KIF1B: variants seen among roughly 807,000 people sequenced by gnomAD.
KIF1B encodes the protein kinesin family member 1B, also known as kinesin-like protein KIF1B.
Under a neutral mutation model 241.9 loss-of-function variants are expected in KIF1B, and 76 were observed. The observed-to-expected ratio is 0.31, with a 90% CI of 0.26 to 0.38. KIF1B has a LOEUF of 0.38. Among genes scored for constraint, KIF1B ranks in the 10% least tolerant of loss-of-function variants. The pLI, the probability that KIF1B is intolerant of heterozygous loss-of-function variation, is 1.00. For synonymous variants in KIF1B, 750 were observed against 796.7 expected (o/e 0.94, Z 0.99); for missense variants, 1,622 against 2,271.4 (o/e 0.71, Z 5.81).
intron 37 of KIF1B, among the ~76,000 whole-genome samples, chr1:10,349,165 G>T (rs892561928): frequency 6.6e-6 from 1 of 152,180 alleles, no homozygotes; most frequent in Non-Finnish European, 1.5e-5. Flanking sequence ...CTGGCTGGGT[G>T]TGGTGGCTCA....
At chr1:10,276,192 AAT>A in intron 11 of KIF1B, 127 bp from the exon 12 acceptor site, 1 of 756,640 alleles carries the variant, frequency 1.3e-6, no homozygotes, top group East Asian at 2.7e-5. Flanking sequence ...TCAAAAAAAA[AAT>A]AAAAGAAAGA....
Position 10,376,745 on chromosome 1 carries a change from A to G in KIF1B, c.*158A>G. On this transcript the variant is annotated 3_prime_UTR_variant, in exon 49 of 49. Coordinates refer to ENST00000676179, the MANE Select transcript of KIF1B (RefSeq NM_001365951.3). ...CACTTTTCTAGCTCTCCCGTTCCCCATCTCCATTGCTCTGTACTCTTTTCT... is the reference window on the plus strand; with the variant it reads ...CACTTTTCTAGCTCTCCCGTTCCCCGTCTCCATTGCTCTGTACTCTTTTCT... The G allele has an allele frequency of 4.1e-6, 3 of 737,672 alleles. No homozygotes were observed. The highest frequency in any genetic ancestry group is 7.3e-6 in the Non-Finnish European group (3 of 413,610). 45.7% of individuals were successfully genotyped at this position (737,672 alleles called of 1,614,324 possible). A position where few individuals can be genotyped will look rare whatever the true frequency, so the allele number is the denominator to read the frequency against.
intron 44 of KIF1B, among the ~76,000 whole-genome samples, chr1:10,368,992 C>T (rs572351059): frequency 6.6e-6 from 1 of 152,266 alleles, no homozygotes; most frequent in South Asian, 2.1e-4. Flanking sequence ...TCATTCCTGC[C>T]TTGGGGTCTT....
intron 37 of KIF1B, among the ~76,000 whole-genome samples, chr1:10,351,407 G>C (rs192075491): frequency 3.9e-5 from 6 of 152,200 alleles, no homozygotes; most frequent in Admixed American, 6.5e-5. Flanking sequence ...CACATGCCAG[G>C]TGCTTTTCTG....
intron 1 of KIF1B, among the ~76,000 whole-genome samples, chr1:10,227,482 A>G (rs529950729): frequency 9.2e-5 from 14 of 152,200 alleles, no homozygotes; most frequent in Non-Finnish European, 1.5e-4. Context: ...TCCTCCCTAT[A>G]TGTCTTCTAA....
rs1488473140 is a variant in KIF1B at position 10,261,908 on chromosome 1, T to G, written c.367T>G (p.Cys123Gly). 1 of 1,604,540 alleles carries G rather than the reference T, an allele frequency of 6.2e-7. No homozygotes were observed. The highest frequency in any genetic ancestry group is 1.7e-5 in the Admixed American group (1 of 59,994). ...ESQAGIIPQL[C>G]EELFEKINDN... The stretch of plus-strand genomic sequence containing the variant: ...CTCTCTCATTCTACTTCCCTAGTTA[T>G]GTGAAGAACTTTTTGAGAAAATCAA... Residue 123 changes from cysteine (C) to glycine (G), a missense_variant, in exon 5 of 49, where the codon TGT becomes GGT. Cys to Gly is a radical substitution (Grantham distance 159). Coordinates refer to ENST00000676179, the MANE Select transcript of KIF1B (RefSeq NM_001365951.3).
chr1:10,222,150 A>C (rs566083886), intron 1 of KIF1B, among the ~76,000 whole-genome samples: 27 of 152,354 alleles, frequency 1.8e-4, no homozygotes, highest in African/African-American at 6.5e-4. Flanking sequence ...AGCAAAGGAA[A>C]AAAAAGGTAT....
At chr1:10,343,484 G>A (rs867799033) in intron 34 of KIF1B, among the ~76,000 whole-genome samples, 197 bp downstream of exon 34, 3 of 152,102 alleles carry the variant, frequency 2.0e-5, no homozygotes, top group East Asian at 3.8e-4. Flanking sequence ...AAGGCTGGGC[G>A]CGGTGGCTCA....
At chr1:10,369,445 A>G (rs1040197924) in intron 44 of KIF1B, among the ~76,000 whole-genome samples, 1 of 152,148 alleles carries the variant, frequency 6.6e-6, no homozygotes, top group African/African-American at 2.4e-5. Flanking sequence ...CCTGGGCAAT[A>G]TAGCACAAAT....
chr1:10,251,924 G>A (rs1647472894), intron 2 of KIF1B, among the ~76,000 whole-genome samples: 1 of 152,092 alleles, frequency 6.6e-6, no homozygotes, highest in African/African-American at 2.4e-5. Context: ...CCGAAACCTA[G>A]AATCTGACTC....
At chr1:10,304,977 A>G (rs1428502902) in intron 22 of KIF1B, 16 of 1,144,932 alleles carry the variant, frequency 1.4e-5, no homozygotes, top group African/African-American at 1.6e-5. Context: ...TATAATGCCT[A>G]TAAATTAATC....
chr1:10,256,814 C>T (rs1647814312), intron 3 of KIF1B, among the ~76,000 whole-genome samples: 1 of 151,956 alleles, frequency 6.6e-6, no homozygotes, highest in South Asian at 2.1e-4. Context: ...GAGGTTCAAG[C>T]GATTCTCCCG....
chr1:10,262,251 G>A (rs1410903484), intron 5 of KIF1B, among the ~76,000 whole-genome samples: 1 of 152,132 alleles, frequency 6.6e-6, no homozygotes, highest in African/African-American at 2.4e-5. Flanking sequence ...CTGGGCCAAA[G>A]CGATCTTACC....
rs1553161281 is a variant in KIF1B at position 10,236,306 on chromosome 1, A to AACAACAACAAC, written c.106+3873_106+3874insCAACAACAACA. On this transcript the variant is annotated intron_variant, in intron 2 of 48. Transcript: ENST00000676179. Reference sequence around the variant, plus strand: ...ACAACAACAACAACAACAACAACAAAAACCCATATAGTATATTTGGGAAAA... The same window carrying AACAACAACAAC: ...ACAACAACAACAACAACAACAACAAAACAACAACAACAACCCATATAGTATATTTGGGAAAA... Among the ~76,000 whole-genome samples, 940 of 148,778 alleles carry AACAACAACAAC rather than the reference A, an allele frequency of 6.3e-3. 5 individuals carry two copies. The highest frequency in any genetic ancestry group is 0.014 in the Middle Eastern group (4 of 278).
chr1:10,347,792 G>C lies in KIF1B; in HGVS notation c.3829G>C (p.Gly1277Arg). 1 of 1,613,386 alleles carries C rather than the reference G, an allele frequency of 6.2e-7. No individual in the cohort carries two copies. The highest frequency in any genetic ancestry group is 1.1e-5 in the South Asian group (1 of 91,056). The change falls in exon 36 of 49, where the codon GGC (glycine) becomes CGC (arginine). Residue 1277 changes from glycine (G) to arginine (R), a missense_variant. Transcript: ENST00000676179. ...YIPAVVDHTAGLPCQGTFLLH... is the reference protein window; with the variant it reads ...YIPAVVDHTARLPCQGTFLLH... Reference sequence around the variant, plus strand: ...CCCAGCTGTGGTTGACCACACAGCAGGCTTGCCTTGCCAGGGGACATTTTT... The same window carrying C: ...CCCAGCTGTGGTTGACCACACAGCACGCTTGCCTTGCCAGGGGACATTTTT...
intron 28 of KIF1B, 58 bp from the exon 29 acceptor site, chr1:10,336,599 C>G (rs1557722106): frequency 7.4e-7 from 1 of 1,346,668 alleles, no homozygotes; most frequent in Non-Finnish European, 1.1e-6. Context: ...AGAGCTTTTT[C>G]CCTCCCTCCC....
At chr1:10,338,403 C>T (rs564577211) in intron 31 of KIF1B, among the ~76,000 whole-genome samples, 1 of 152,192 alleles carries the variant, frequency 6.6e-6, no homozygotes, top group African/African-American at 2.4e-5. Context: ...CCACTAATAT[C>T]ATTTGCTACA....
chr1:10,334,987 G>T (rs1652111264), intron 28 of KIF1B, among the ~76,000 whole-genome samples: 2 of 150,412 alleles, frequency 1.3e-5, no homozygotes, highest in Admixed American at 6.6e-5. Context: ...CGTCCAGGCT[G>T]GAGTGCAATG....
In KIF1B at chr1:10,379,685, T is replaced by C; in HGVS notation, c.*3098T>C. On this transcript the variant is annotated 3_prime_UTR_variant, in exon 49 of 49. Transcript: ENST00000676179. ...GAATTCTTAGGCAAATTCAGAGAAA[T>C]AAGTGCTAGTTAATACTAATCACCT... 2 of 231,198 alleles carry C rather than the reference T, an allele frequency of 8.7e-6. No homozygotes were observed. The highest frequency in any genetic ancestry group is 1.7e-5 in the Non-Finnish European group (2 of 116,792). The allele number at this position is 231,198 out of a possible 1,614,324, so 14.3% of individuals were successfully genotyped here.
Sources: gnomAD v4.1 joint callset for allele counts (sites outside exome capture counted in the v4.1 genomes callset) on GRCh38, gnomAD v4.1.1 for gene constraint, MANE v1.5 for transcripts, NCBI Gene and HGNC (gene_info 2026-07-23, HGNC 2026-07-21) for gene names.